Variants in IL1R2 observed in about 807,000 individuals in gnomAD.
IL1R2 encodes the protein interleukin-1 receptor type 2.
Under a neutral mutation model 39.5 loss-of-function variants are expected in IL1R2, and 46 were observed. That is an observed-to-expected ratio of 1.16 (90% CI 0.92 to 1.49). The LOEUF is 1.49. Among genes scored for constraint, IL1R2 ranks in the 40% most tolerant of loss-of-function variants. The probability of loss-of-function intolerance (pLI) is 0.00; values close to 1 mark genes in which losing one functional copy is unlikely to be tolerated. For missense variants in IL1R2, 537 were observed against 502.0 expected (o/e 1.07, Z -0.67); for synonymous variants, 207 against 189.6 (o/e 1.09, Z -0.75).
Position 102,028,353 on chromosome 2 carries a change from A to C in IL1R2, c.1158A>C (p.Leu386=). The C allele has an allele frequency of 6.2e-7, 1 of 1,606,850 alleles. No individual in the cohort carries two copies. The highest frequency in any genetic ancestry group is 8.5e-7 in the Non-Finnish European group (1 of 1,176,524). Reference sequence around the variant, plus strand: ...GAAAAGCAGATGGTCTGACTGTGCTATGGCCTCATCATCAAGACTTTCAAT... The same window carrying C: ...GAAAAGCAGATGGTCTGACTGTGCTCTGGCCTCATCATCAAGACTTTCAAT... ...RTGKADGLTV[L]WPHHQDFQSY... Residue 386 remains leucine, a synonymous_variant, in exon 9 of 9, where the codon CTA becomes CTC. Transcript: ENST00000332549.
At chr2:102,013,077 A>G (rs1676737612) in intron 3 of IL1R2, among the ~76,000 whole-genome samples, 1 of 152,314 alleles carries the variant, frequency 6.6e-6, no homozygotes, top group African/African-American at 2.4e-5. Context: ...GGCAATCCTC[A>G]TGACTACTGA....
intron 5 of IL1R2, among the ~76,000 whole-genome samples, chr2:102,020,308 T>A (rs1486437672): frequency 6.6e-6 from 1 of 152,234 alleles, no homozygotes; most frequent in Non-Finnish European, 1.5e-5. Flanking sequence ...ATATTTCAAA[T>A]AGTCAGAGCT....
Position 102,019,732 on chromosome 2 carries a change from G to C in IL1R2, c.608G>C (p.Gly203Ala). ...LVHDVALEDA[G>A]YYRCVLTFAH... Reference sequence around the variant, plus strand: ...CACGATGTGGCCCTGGAAGATGCTGGCTATTACCGCTGTGTCCTGACATTT... The same window carrying C: ...CACGATGTGGCCCTGGAAGATGCTGCCTATTACCGCTGTGTCCTGACATTT... The change falls in exon 5 of 9, where the codon GGC (glycine) becomes GCC (alanine). Residue 203 changes from glycine to alanine, a missense_variant. Gly to Ala is a moderately conservative substitution (Grantham distance 60). Transcript: ENST00000332549. The C allele has an allele frequency of 3.7e-6, 6 of 1,614,084 alleles. No individual in the cohort carries two copies. Among genetic ancestry groups the C allele is most frequent in the Non-Finnish European group, 5.1e-6 (6 of 1,179,954 alleles).
intron 4 of IL1R2, among the ~76,000 whole-genome samples, chr2:102,017,398 GAA>G (rs56358561): frequency 3.5e-4 from 40 of 113,334 alleles, no homozygotes; most frequent in Admixed American, 7.1e-4. Flanking sequence ...CTCCATCTCA[GAA>G]AAAAAAAAAA....
chr2:102,015,797 AATG>A, intron 3 of IL1R2, 71 bp from the exon 4 acceptor site: 2 of 1,187,830 alleles, frequency 1.7e-6, no homozygotes, highest in Non-Finnish European at 2.5e-6. Flanking sequence ...GAGTTGGGGA[AATG>A]ATGCTTAATT....
intron 3 of IL1R2, among the ~76,000 whole-genome samples, chr2:102,015,663 T>A (rs1388014167): frequency 6.6e-6 from 1 of 152,184 alleles, no homozygotes; most frequent in African/African-American, 2.4e-5. Context: ...TATACTGAAG[T>A]AGGGTTTCTA....
At chr2:102,003,987 G>GTCTA (rs1559414145) in intron 1 of IL1R2, among the ~76,000 whole-genome samples, 102 of 104,530 alleles carry the variant, frequency 9.8e-4, no homozygotes, top group African/African-American at 3.2e-3. Flanking sequence ...GTCTCGGTCT[G>GTCTA]GGTCTATGTC....
At chr2:102,021,005 C>G (rs1677347239) in intron 5 of IL1R2, among the ~76,000 whole-genome samples, 2 of 152,150 alleles carry the variant, frequency 1.3e-5, no homozygotes, top group Non-Finnish European at 2.9e-5. Context: ...TGGGGACCCT[C>G]AAGTCTAAGA....
intron 1 of IL1R2, among the ~76,000 whole-genome samples, 197 bp downstream of exon 1, chr2:101,992,208 G>C (rs749157670): frequency 1.3e-5 from 2 of 151,484 alleles, no homozygotes; most frequent in Admixed American, 6.6e-5. Flanking sequence ...CAGAGAGACA[G>C]AAAGAGGCAG....
In IL1R2 at chr2:102,028,451, G is replaced by C; in HGVS notation, c.*59G>C. The C allele has an allele frequency of 1.4e-6, 2 of 1,433,160 alleles. No homozygotes were observed. Among genetic ancestry groups the C allele is most frequent in the Admixed American group, 2.1e-5 (1 of 47,056 alleles). The allele number at this position is 1,433,160 out of a possible 1,614,324, so 88.8% of individuals were successfully genotyped here. On this transcript the variant is annotated 3_prime_UTR_variant, in exon 9 of 9. Coordinates refer to ENST00000332549, the MANE Select transcript of IL1R2 (RefSeq NM_004633.4). ...CCGTACGTCTTCTCTTATGGAAGTG[G>C]CTGTGTCTTTTTGAGGGACTCTGTT...
At chr2:102,007,334 T>G (rs1676330435) in intron 1 of IL1R2, among the ~76,000 whole-genome samples, 1 of 152,154 alleles carries the variant, frequency 6.6e-6, no homozygotes, top group African/African-American at 2.4e-5. Flanking sequence ...ACCAGAGTGT[T>G]AGCAGGACAC....
intron 5 of IL1R2, among the ~76,000 whole-genome samples, chr2:102,021,291 C>CT (rs1677373782): frequency 7.0e-6 from 1 of 142,170 alleles, no homozygotes; most frequent in Non-Finnish European, 1.5e-5. Flanking sequence ...TCGTTTCTTT[C>CT]TTTCTTTTCT....
At chr2:102,002,941 T>A (rs1165452948) in intron 1 of IL1R2, among the ~76,000 whole-genome samples, 3 of 152,036 alleles carry the variant, frequency 2.0e-5, no homozygotes, top group Admixed American at 6.5e-5. Flanking sequence ...TGTCTGTGTC[T>A]GTGTCTGTGC....
In IL1R2 at chr2:102,015,018, T is replaced by A. The variant is rs3218893; in HGVS notation, c.333-853T>A. Among the ~76,000 whole-genome samples the A allele has an allele frequency of 1.6e-3, 239 of 151,786 alleles. 4 individuals carry two copies. Among genetic ancestry groups the A allele is most frequent in the African/African-American group, 5.6e-3 (234 of 41,462 alleles). On this transcript the variant is annotated intron_variant, in intron 3 of 8. Coordinates refer to ENST00000332549, the MANE Select transcript of IL1R2 (RefSeq NM_004633.4). ...CAAACTTACCAAGTTAATTTCCCCA[T>A]GCAGTATTACAAAAATCTTTTATGG...
At chr2:101,992,508 CAG>C (rs1472084976) in intron 1 of IL1R2, among the ~76,000 whole-genome samples, 5 of 133,182 alleles carry the variant, frequency 3.8e-5, no homozygotes, top group Admixed American at 1.5e-4. Flanking sequence ...TGGAGAGAGA[CAG>C]AGAGAGGCAG....
chr2:101,998,931 A>C (rs2150419279), intron 1 of IL1R2: 1 of 152,378 alleles, frequency 6.6e-6, no homozygotes, highest in African/African-American at 2.4e-5. Context: ...CCCACATTCA[A>C]GGGAGGTGAG....
intron 3 of IL1R2, among the ~76,000 whole-genome samples, chr2:102,012,343 T>A (rs1257592081): frequency 1.3e-5 from 2 of 152,206 alleles, no homozygotes; most frequent in African/African-American, 4.8e-5. Flanking sequence ...TTTCATAAAC[T>A]CATTTGACTT....
chr2:102,007,974 A>G (rs141696939), intron 1 of IL1R2, among the ~76,000 whole-genome samples: 27 of 152,296 alleles, frequency 1.8e-4, no homozygotes, highest in African/African-American at 6.3e-4. Flanking sequence ...GGCAGAGTGA[A>G]TTGGGGGTCC....
intron 3 of IL1R2, chr2:102,010,027 C>A (rs1444658700): frequency 6.4e-6 from 4 of 628,390 alleles, no homozygotes; most frequent in Non-Finnish European, 1.1e-5. Flanking sequence ...TGCTCAAATG[C>A]CACCTCTTTG....
Sources: allele counts gnomAD v4.1 joint callset (sites outside exome capture counted in the v4.1 genomes callset), GRCh38; gene constraint gnomAD v4.1.1; transcripts MANE v1.5; gene names NCBI Gene and HGNC (gene_info 2026-07-23, HGNC 2026-07-21).